The following VAV3 variants were observed in gnomAD, a reference collection of about 807,000 sequenced individuals.
The protein encoded by VAV3 is guanine nucleotide exchange factor VAV3.
A neutral mutation model predicts 131.2 loss-of-function variants in VAV3; 94 were observed. That is an observed-to-expected ratio of 0.72 (90% CI 0.61 to 0.85). The LOEUF (loss-of-function observed/expected upper bound fraction) is 0.85. Ranked by LOEUF, VAV3 falls within the 40% of genes least tolerant of loss-of-function variation. The probability of loss-of-function intolerance (pLI) is 0.00; values close to 1 mark genes in which losing one functional copy is unlikely to be tolerated. For missense variants in VAV3, 939 were observed against 1,002.7 expected (o/e 0.94, Z 0.86); for synonymous variants, 349 against 342.0 (o/e 1.02, Z -0.22).
intron 18 of VAV3, among the ~76,000 whole-genome samples, chr1:107,688,075 G>T (rs571135164): frequency 6.6e-6 from 1 of 152,264 alleles, no homozygotes; most frequent in East Asian, 1.9e-4. Flanking sequence ...TGACGGGGAC[G>T]CATCTACCAA....
Position 107,779,416 on chromosome 1 carries a change from A to C in VAV3, c.380+18T>G. 1.9e-6 allele frequency: 3 copies of C among 1,569,250 alleles called. No homozygotes were observed. The highest frequency in any genetic ancestry group is 2.6e-6 in the Non-Finnish European group (3 of 1,160,216). ...ACTGAACTCAATGGGACACATGAAC[A>C]ACGAAAACAGAGCTTACCTGATTCC... On this transcript the variant is annotated intron_variant, in intron 3 of 26. Transcript: ENST00000370056.
chr1:107,751,644 A>G (rs1663732782), intron 12 of VAV3, among the ~76,000 whole-genome samples: 1 of 146,738 alleles, frequency 6.8e-6, no homozygotes. Context: ...TTACAAACGC[A>G]CAATTGCCAT....
chr1:107,815,895 T>G (rs76410468), intron 2 of VAV3, among the ~76,000 whole-genome samples: 1 of 151,962 alleles, frequency 6.6e-6, no homozygotes, highest in East Asian at 1.9e-4. Context: ...GGAGGGGGCA[T>G]GGGGGGATGG....
At chr1:107,742,653 G>A (rs909861039) in intron 15 of VAV3, among the ~76,000 whole-genome samples, 4 of 151,966 alleles carry the variant, frequency 2.6e-5, no homozygotes, top group South Asian at 2.1e-4. Flanking sequence ...CCAGATCCAC[G>A]AGGCTTTCTT....
At chr1:107,842,862 G>A (rs115371345) in intron 2 of VAV3, among the ~76,000 whole-genome samples, 5,663 of 152,130 alleles carry the variant, frequency 0.037, 132 homozygotes, top group East Asian at 0.07. Flanking sequence ...TCCAATGAGA[G>A]AAATATTAAC....
chr1:107,809,274 A>G (rs922936782), intron 2 of VAV3, among the ~76,000 whole-genome samples: 2 of 152,318 alleles, frequency 1.3e-5, no homozygotes, highest in South Asian at 2.1e-4. Context: ...ATTAGACACA[A>G]CCTAAGAGTC....
intron 15 of VAV3, among the ~76,000 whole-genome samples, chr1:107,713,624 GC>G (rs1443873610): frequency 6.6e-6 from 1 of 151,974 alleles, no homozygotes; most frequent in Non-Finnish European, 1.5e-5. Flanking sequence ...TGTCAGACTG[GC>G]CCCAAAAAAG....
intron 20 of VAV3, among the ~76,000 whole-genome samples, chr1:107,641,002 C>A (rs1655298950): frequency 1.3e-5 from 2 of 152,136 alleles, no homozygotes; most frequent in South Asian, 4.1e-4. Context: ...TGTGAGGAAC[C>A]TTATGGCTAC....
At chr1:107,678,927 A>C (rs988625817) in intron 19 of VAV3, among the ~76,000 whole-genome samples, 1 of 152,202 alleles carries the variant, frequency 6.6e-6, no homozygotes, top group African/African-American at 2.4e-5. Context: ...TAATATTTAA[A>C]AATTTTATAT....
At chr1:107,784,406 T>C (rs934445789) in intron 2 of VAV3, among the ~76,000 whole-genome samples, 1 of 152,200 alleles carries the variant, frequency 6.6e-6, no homozygotes, top group South Asian at 2.1e-4. Context: ...ATGAGCTTTT[T>C]CAACATTTTT....
chr1:107,766,751 G>A (rs572402715), intron 7 of VAV3, among the ~76,000 whole-genome samples: 1 of 151,878 alleles, frequency 6.6e-6, no homozygotes, highest in African/African-American at 2.4e-5. Flanking sequence ...GAAGCAGCGG[G>A]AGAGGACAGG....
At chr1:107,621,169 A>G (rs1653574476) in intron 20 of VAV3, among the ~76,000 whole-genome samples, 1 of 151,764 alleles carries the variant, frequency 6.6e-6, no homozygotes, top group South Asian at 2.1e-4. Context: ...CAGGCTGCCA[A>G]TGTCATTCTG....
intron 20 of VAV3, among the ~76,000 whole-genome samples, chr1:107,621,140 G>A (rs1322642690): frequency 2.7e-5 from 4 of 150,690 alleles, no homozygotes; most frequent in African/African-American, 9.7e-5. Flanking sequence ...TCCTTCAGGA[G>A]GGAAAAAATT....
At chr1:107,885,835 C>T (rs1459895421) in intron 1 of VAV3, among the ~76,000 whole-genome samples, 1 of 152,164 alleles carries the variant, frequency 6.6e-6, no homozygotes, top group African/African-American at 2.4e-5. Flanking sequence ...AATATTCTGT[C>T]TCTTATATGG....
At chr1:107,818,383 A>G (rs1190178236) in intron 2 of VAV3, among the ~76,000 whole-genome samples, 1 of 151,682 alleles carries the variant, frequency 6.6e-6, no homozygotes, top group African/African-American at 2.4e-5. Flanking sequence ...TTTTTAAACC[A>G]TAAAATGCTG....
At chr1:107,685,140 T>C (rs898929613) in intron 18 of VAV3, among the ~76,000 whole-genome samples, 1 of 152,156 alleles carries the variant, frequency 6.6e-6, no homozygotes, top group African/African-American at 2.4e-5. Flanking sequence ...ACTATAAACT[T>C]AAAATGTGAA....
intron 1 of VAV3, among the ~76,000 whole-genome samples, chr1:107,902,011 C>G (rs905196614): frequency 6.6e-6 from 1 of 150,900 alleles, no homozygotes; most frequent in Admixed American, 6.6e-5. Context: ...CCACTGCACT[C>G]TGGCCTTGAC....
chr1:107,802,805 G>A (rs367642843), intron 2 of VAV3, among the ~76,000 whole-genome samples: 1 of 150,670 alleles, frequency 6.6e-6, no homozygotes, highest in East Asian at 1.9e-4. Flanking sequence ...TCTACTTTCT[G>A]TTGTGTGCTT....
chr1:107,943,144 G>A (rs1157305604), intron 1 of VAV3, among the ~76,000 whole-genome samples: 2 of 152,052 alleles, frequency 1.3e-5, no homozygotes, highest in Non-Finnish European at 2.9e-5. Context: ...TACTCTTAGA[G>A]TCTTGGTGGC....
Sources: gnomAD v4.1 joint callset for allele counts (sites outside exome capture counted in the v4.1 genomes callset) on GRCh38, gnomAD v4.1.1 for gene constraint, MANE v1.5 for transcripts, NCBI Gene and HGNC (gene_info 2026-07-23, HGNC 2026-07-21) for gene names.